GALNTL6: variants seen among roughly 807,000 people sequenced by gnomAD.
GALNTL6 encodes the protein polypeptide N-acetylgalactosaminyltransferase like 6.
Under a neutral mutation model 73.7 loss-of-function variants are expected in GALNTL6, and 46 were observed. The observed-to-expected ratio is 0.62, with a 90% confidence interval of 0.49 to 0.80. GALNTL6 has a LOEUF of 0.80. Ranked by LOEUF, GALNTL6 falls within the 30% of genes least tolerant of loss-of-function variation. The pLI is 0.00. For missense variants in GALNTL6, 604 were observed against 755.0 expected, an observed-to-expected ratio of 0.80 and a Z score of 2.34; for synonymous variants, 259 against 263.7, an observed-to-expected ratio of 0.98 and a Z score of 0.17.
intron 8 of GALNTL6, among the ~76,000 whole-genome samples, chr4:172,903,619 GT>G (rs200827624): frequency 4.6e-5 from 7 of 151,538 alleles, no homozygotes; most frequent in Non-Finnish European, 1.0e-4. Context: ...AGAGGCAAAA[GT>G]TTTTTTTTGC....
intron 5 of GALNTL6, among the ~76,000 whole-genome samples, chr4:172,723,079 G>C (rs1357469534): frequency 5.3e-5 from 8 of 152,028 alleles, no homozygotes; most frequent in Non-Finnish European, 8.8e-5. Flanking sequence ...ATGTATATCA[G>C]CCTCCATTTC....
intron 5 of GALNTL6, among the ~76,000 whole-genome samples, chr4:172,435,040 G>A (rs1731585415): frequency 6.6e-6 from 1 of 151,786 alleles, no homozygotes; most frequent in African/African-American, 2.4e-5. Context: ...CTCAGTAAAA[G>A]GAGAATGGCA....
chr4:172,157,718 T>C (rs1734329726), intron 2 of GALNTL6, among the ~76,000 whole-genome samples: 1 of 152,194 alleles, frequency 6.6e-6, no homozygotes, highest in Non-Finnish European at 1.5e-5. Context: ...ATGGGTTTGA[T>C]TTTTAGTACG....
chr4:172,203,755 AT>A (rs1235920306), intron 2 of GALNTL6, among the ~76,000 whole-genome samples: 2 of 151,484 alleles, frequency 1.3e-5, no homozygotes, highest in Non-Finnish European at 2.9e-5. Context: ...TTTATAATTT[AT>A]TTTTTTCGAG....
At chr4:172,233,980 T>G (rs966145943) in intron 3 of GALNTL6, among the ~76,000 whole-genome samples, 16 of 152,152 alleles carry the variant, frequency 1.1e-4, no homozygotes, top group African/African-American at 3.6e-4. Flanking sequence ...TTATGTTTAG[T>G]ATTAATCTTA....
chr4:172,582,149 G>A (rs763852557), intron 5 of GALNTL6, among the ~76,000 whole-genome samples: 1 of 152,178 alleles, frequency 6.6e-6, no homozygotes. Context: ...CCCTTGATGG[G>A]CCTTGTGATG....
intron 2 of GALNTL6, among the ~76,000 whole-genome samples, chr4:172,118,355 A>G (rs887685469): frequency 2.6e-5 from 4 of 152,184 alleles, no homozygotes; most frequent in Non-Finnish European, 5.9e-5. Context: ...AAAGCATTAG[A>G]TAATTATAGG....
chr4:171,872,087 G>A (rs1450710940), intron 2 of GALNTL6, among the ~76,000 whole-genome samples: 1 of 152,064 alleles, frequency 6.6e-6, no homozygotes, highest in African/African-American at 2.4e-5. Flanking sequence ...AACTTTGTTA[G>A]ATATACTTTG....
chr4:172,604,083 A>T (rs1159598842), intron 5 of GALNTL6, among the ~76,000 whole-genome samples: 1 of 152,216 alleles, frequency 6.6e-6, no homozygotes, highest in East Asian at 1.9e-4. Flanking sequence ...TGCATTAGTA[A>T]CATCATGCTA....
chr4:171,874,618 T>C (rs1395351508), intron 2 of GALNTL6, among the ~76,000 whole-genome samples: 1 of 152,166 alleles, frequency 6.6e-6, no homozygotes, highest in Non-Finnish European at 1.5e-5. Context: ...CGTAAAATCA[T>C]GGAGACACCT....
intron 5 of GALNTL6, among the ~76,000 whole-genome samples, chr4:172,713,154 G>A (rs1734816336): frequency 6.6e-6 from 1 of 151,398 alleles, no homozygotes; most frequent in South Asian, 2.1e-4. Context: ...ATTTAATACT[G>A]TTACGTGCTG....
At chr4:172,428,728 A>G (rs1458671318) in intron 5 of GALNTL6, among the ~76,000 whole-genome samples, 1 of 152,212 alleles carries the variant, frequency 6.6e-6, no homozygotes, top group Non-Finnish European at 1.5e-5. Context: ...AAACGGAGAT[A>G]TAGAGATAGA....
At chr4:172,479,051 A>G (rs1188205384) in intron 5 of GALNTL6, among the ~76,000 whole-genome samples, 1 of 152,154 alleles carries the variant, frequency 6.6e-6, no homozygotes, top group Non-Finnish European at 1.5e-5. Context: ...AAGAATACCT[A>G]TACACTGCTG....
chr4:171,835,511 T>C (rs1735074680), intron 2 of GALNTL6, among the ~76,000 whole-genome samples: 1 of 152,046 alleles, frequency 6.6e-6, no homozygotes, highest in Admixed American at 6.6e-5. Flanking sequence ...AGCTCTAAAA[T>C]ATATTACTTA....
At chr4:172,439,590 G>C (rs1731756620) in intron 5 of GALNTL6, among the ~76,000 whole-genome samples, 1 of 151,418 alleles carries the variant, frequency 6.6e-6, no homozygotes, top group Non-Finnish European at 1.5e-5. Context: ...CTAGTTGATG[G>C]CTTGAAATAC....
At chr4:172,352,865 A>C (rs1182141594) in intron 5 of GALNTL6, among the ~76,000 whole-genome samples, 1 of 152,018 alleles carries the variant, frequency 6.6e-6, no homozygotes, top group African/African-American at 2.4e-5. Flanking sequence ...TGAGTTTCAG[A>C]AAGATCTGTT....
intron 5 of GALNTL6, among the ~76,000 whole-genome samples, chr4:172,635,816 C>T (rs1739647839): frequency 1.3e-5 from 2 of 152,294 alleles, no homozygotes; most frequent in Admixed American, 1.3e-4. Context: ...GCATATCATA[C>T]TTCAGATGCA....
chr4:172,217,837 C>A (rs1206899029), intron 2 of GALNTL6, among the ~76,000 whole-genome samples: 2 of 152,096 alleles, frequency 1.3e-5, no homozygotes, highest in African/African-American at 4.8e-5. Flanking sequence ...ATAATTAGAT[C>A]TTTGTATAAG....
chr4:172,922,429 T>G (rs1026053583), intron 8 of GALNTL6, among the ~76,000 whole-genome samples: 15 of 152,208 alleles, frequency 9.9e-5, no homozygotes, highest in African/African-American at 3.4e-4. Flanking sequence ...TAAGGAATCA[T>G]GTTCCCACAC....
Sources: allele counts gnomAD v4.1 joint callset (sites outside exome capture counted in the v4.1 genomes callset), GRCh38; gene constraint gnomAD v4.1.1; transcripts MANE v1.5; gene names NCBI Gene and HGNC (gene_info 2026-07-23, HGNC 2026-07-21).